LTBP4: variants seen among roughly 807,000 people sequenced by gnomAD.
LTBP4 encodes the protein latent transforming growth factor beta binding protein 4, also known as latent-transforming growth factor beta-binding protein 4.
In LTBP4, 93 loss-of-function variants were observed where a neutral mutation model predicts 180.2. That is an observed-to-expected ratio of 0.52 (90% confidence interval 0.44 to 0.61). The LOEUF (loss-of-function observed/expected upper bound fraction) is 0.61. Ranked by LOEUF, LTBP4 falls within the 20% of genes least tolerant of loss-of-function variation. The pLI is 0.00. For missense variants in LTBP4, 2,116 were observed against 2,256.5 expected (o/e 0.94, Z 1.26); for synonymous variants, 947 against 934.5 (o/e 1.01, Z -0.24).
upstream of LTBP4, chr19:40,599,364 T>C (rs2081407961): frequency 1.2e-6 from 2 of 1,610,532 alleles, no homozygotes; most frequent in Admixed American, 1.7e-5. Context: ...TGGATGCATT[T>C]GGTAGAGAAG....
rs372458729 is a variant in LTBP4, at chr19:40,617,259, G to A, written c.3070+34G>A. The A allele has an allele frequency of 8.8e-5, 140 of 1,598,450 alleles. 2 individuals carry two copies. The African/African-American group carries it at 1.5e-3, about 17-fold the overall frequency. On this transcript the variant is annotated intron_variant, in intron 21 of 29. Transcript: ENST00000396819. ...CTTCAGGAGGTGGATGGGACCAAAG[G>A]GGGTGGGGGAGGTTGGTCAGGCCCT...
chr19:40,613,048 A>T lies in LTBP4; in HGVS notation c.2300-17A>T, dbSNP rs1568407643. 1 of 1,609,088 alleles carries T rather than the reference A, an allele frequency of 6.2e-7. No homozygotes were observed. Among genetic ancestry groups the T allele is most frequent in the Non-Finnish European group, 8.5e-7 (1 of 1,177,748 alleles). On this transcript the variant is annotated splice_polypyrimidine_tract_variant and intron_variant, in intron 15 of 29. Coordinates refer to ENST00000396819, the MANE Select transcript of LTBP4 (RefSeq NM_001042545.2). The surrounding 1 kb of genome is among the most constrained non-coding windows in gnomAD (Gnocchi z 5.0). ...TCCCGAGACTGGACCCTTTCTGAAC[A>T]CCCCCACCCCCCACAGATGTGGACG...
chr19:40,605,922 C>A lies in LTBP4; in HGVS notation c.793+91C>A. ...TACTCTGCCCTAGATAAACCCAGTT[C>A]ACAAATTGTAGCCACGCCTACCCCA... On this transcript the variant is annotated intron_variant, in intron 4 of 29. Transcript: ENST00000396819. This position sits in a 1 kb window ranked among gnomAD's most constrained non-coding sequence, Gnocchi z 5.5. 1 of 1,380,296 alleles carries A rather than the reference C, an allele frequency of 7.2e-7. No individual in the cohort carries two copies. Among genetic ancestry groups the A allele is most frequent in the Non-Finnish European group, 9.8e-7 (1 of 1,024,870 alleles). 85.5% of individuals were successfully genotyped at this position (1,380,296 alleles called of 1,614,324 possible).
rs199990200 is a variant in LTBP4, at chr19:40,606,253, G to T, written c.814G>T (p.Ala272Ser). 1.6e-4 allele frequency: 261 copies of T among 1,594,048 alleles called. 2 individuals carry two copies. The African/African-American group carries it at 2.7e-3, about 17-fold the overall frequency. Residue 272 changes from alanine to serine, a missense_variant, in exon 5 of 30, where the codon GCC (alanine) becomes TCC (serine). Around this residue, in one of 5 missense-constraint regions of LTBP4, gnomAD observed 469 missense variants for 532.5 expected, o/e 0.88. Transcript: ENST00000396819. ...CACAGGGAACTCCGAAAGAGTGAGC[G>T]CCCCAGATGGACCTTGTCCAACCGG... Reference protein sequence around the residue: ...ERLGNSERVSAPDGPCPTGFE... With the variant: ...ERLGNSERVSSPDGPCPTGFE...
At chr19:40,603,245 C>G (rs1414226479) in intron 1 of LTBP4, among the ~76,000 whole-genome samples, 1 of 152,182 alleles carries the variant, frequency 6.6e-6, no homozygotes, top group Admixed American at 6.5e-5. Context: ...TCAGAGAACC[C>G]CAGGGTTGGT....
In LTBP4 at chr19:40,627,723, A is replaced by C. The variant is rs762047259; in HGVS notation, c.4385A>C (p.Tyr1462Ser). The part of the protein sequence containing the change: ...GSYAGSLAEP[Y>S]EELEAEECGI... The stretch of plus-strand genomic sequence containing the variant: ...CCCACAGGTTCCCTGGCTGAGCCCT[A>C]CGAGGAGCTGGAGGCGGAGGAGTGC... Residue 1462 changes from tyrosine (Y) to serine (S), a missense_variant, in exon 29 of 30, where the codon TAC becomes TCC. Around this residue, in one of 5 missense-constraint regions of LTBP4, gnomAD observed 488 missense variants for 458.8 expected, o/e 1.06. Transcript: ENST00000396819. 6.3e-7 allele frequency: 1 copy of C among 1,597,102 alleles called. No homozygotes were observed. The highest frequency in any genetic ancestry group is 8.5e-7 in the Non-Finnish European group (1 of 1,173,152).
intron 19 of LTBP4, chr19:40,615,401 G>A (rs964206184): frequency 6.6e-6 from 1 of 152,164 alleles, no homozygotes; most frequent in Non-Finnish European, 1.5e-5. Flanking sequence ...CAGGAAATAA[G>A]TCATATAAAA....
rs2081424867 is a variant in LTBP4, at chr19:40,601,626, G to A, written c.239G>A (p.Gly80Asp). The A allele has an allele frequency of 1.5e-6, 2 of 1,371,224 alleles. No homozygotes were observed. Among genetic ancestry groups the A allele is most frequent in the South Asian group, 3.4e-5 (2 of 59,046 alleles). The allele number at this position is 1,371,224 out of a possible 1,614,324, so 84.9% of individuals were successfully genotyped here. The stretch of plus-strand genomic sequence containing the variant: ...GGCGGGGCGGCCCCGGGGGGACCCG[G>A]CTTCCGCGCCTGTGAGTGCGGGGTG... ...APGGAAPGGP[G>D]FRAFLCPLIC... Residue 80 changes from glycine (G) to aspartate (D), a missense_variant, in exon 1 of 30, where the codon GGC becomes GAC. Transcript: ENST00000396819.
At position 40,606,306 on chromosome 19, in the gene LTBP4, A is replaced by G; in HGVS notation, c.867A>G (p.Glu289=). 1.3e-6 allele frequency: 2 copies of G among 1,565,184 alleles called. No homozygotes were observed. Among genetic ancestry groups the G allele is most frequent in the Non-Finnish European group, 1.8e-6 (2 of 1,141,042 alleles). ...TTGAAAGAGTTAATGGGTCCTGCGA[A>G]GGTGCAACGGGGCAGGGGTGGGAGG... ...TGFERVNGSC[E]DVDECATGGR... is the part of the protein sequence containing the mutation. The change falls in exon 5 of 30, where the codon GAA becomes GAG. Residue 289 remains glutamate, a splice_region_variant and synonymous_variant. Transcript: ENST00000396819.
rs954287372 is a variant in LTBP4, at chr19:40,627,284, C to T, written c.4295C>T (p.Pro1432Leu). 8.5e-6 allele frequency: 13 copies of T among 1,524,112 alleles called. No homozygotes were observed. Among genetic ancestry groups the T allele is most frequent in the Non-Finnish European group, 1.1e-5 (13 of 1,138,082 alleles). The allele number at this position is 1,524,112 out of a possible 1,614,324, so 94.4% of individuals were successfully genotyped here. Residue 1432 changes from proline to leucine, a missense_variant, in exon 28 of 30, where the codon CCC becomes CTC. This residue lies in a region of LTBP4 where 488 missense variants were observed against 458.8 expected (regional missense o/e 1.06). Coordinates refer to ENST00000396819, the MANE Select transcript of LTBP4 (RefSeq NM_001042545.2). ...CCACCTGGCCCGGGCACCCGCTGGC[C>T]CTATCGGTCCCGGGACACCCGCCGC... The part of the protein sequence containing the change: ...PAPPGPGTRW[P>L]YRSRDTRRSF...
intron 11 of LTBP4, 111 bp from the exon 12 acceptor site, chr19:40,610,421 G>GTCCT: frequency 7.5e-7 from 1 of 1,329,740 alleles, no homozygotes; most frequent in Non-Finnish European, 1.0e-6. Flanking sequence ...TCCCCATCCT[G>GTCCT]GCTCTGGCCC....
upstream of LTBP4, chr19:40,601,286 A>T: frequency 1.1e-6 from 1 of 903,064 alleles, no homozygotes; most frequent in Non-Finnish European, 1.3e-6. Context: ...GGGGGGCCTG[A>T]GCGGGGGCGC....
intron 19 of LTBP4, 48 bp from the exon 20 acceptor site, chr19:40,616,841 C>G (rs1292843114): frequency 1.2e-6 from 2 of 1,607,638 alleles, no homozygotes. Flanking sequence ...GTTAGAACTT[C>G]TGAATTCAGG....
chr19:40,609,683 G>A lies in LTBP4; in HGVS notation c.1558+22G>A, dbSNP rs1184479323. On this transcript the variant is annotated intron_variant, in intron 10 of 29. Transcript: ENST00000396819. This position sits in a 1 kb window ranked among gnomAD's most constrained non-coding sequence, Gnocchi z 4.9. ...ATTGGTGAGCAAGACGGAGGGCGCG[G>A]AAGGAGGCGGGGCGGGGGGCTTTGC... 1 of 1,612,140 alleles carries A rather than the reference G, an allele frequency of 6.2e-7. No individual in the cohort carries two copies. Among genetic ancestry groups the A allele is most frequent in the Admixed American group, 1.7e-5 (1 of 59,952 alleles).
chr19:40,617,079 C>T, intron 20 of LTBP4, 21 bp from the exon 21 acceptor site: 1 of 1,613,660 alleles, frequency 6.2e-7, no homozygotes, highest in East Asian at 2.2e-5. Context: ...CAGAAATGGC[C>T]TGACTGTCTG....
Position 40,627,265 on chromosome 19 carries a change from G to A in LTBP4, c.4276G>A (p.Gly1426Ser), listed in dbSNP as rs1406210072. The change falls in exon 28 of 30, where the codon GGC (glycine) becomes AGC (serine). Residue 1426 changes from glycine to serine, a missense_variant. Physicochemically the swap from Gly to Ser is moderately conservative, Grantham distance 56 (BLOSUM62 0). Transcript: ENST00000396819. The stretch of plus-strand genomic sequence containing the variant: ...CGAATCTGAGGCTCCTGCGCCACCT[G>A]GCCCGGGCACCCGCTGGCCCTATCG... ...YGESEAPAPP[G>S]PGTRWPYRSR... 1.3e-6 allele frequency: 2 copies of A among 1,568,510 alleles called. No homozygotes were observed. Among genetic ancestry groups the A allele is most frequent in the Admixed American group, 1.8e-5 (1 of 54,484 alleles).
intron 19 of LTBP4, among the ~76,000 whole-genome samples, chr19:40,615,958 A>G (rs1362279852): frequency 6.6e-6 from 1 of 152,230 alleles, no homozygotes; most frequent in Non-Finnish European, 1.5e-5. Flanking sequence ...AATGGGACAG[A>G]GATGACAGAG....
chr19:40,595,071 A>G (rs959776758), intron 1 of LTBP4, among the ~76,000 whole-genome samples: 1 of 152,044 alleles, frequency 6.6e-6, no homozygotes, highest in East Asian at 1.9e-4. Context: ...AGAACTGGGA[A>G]GCTTAAGAAT....
chr19:40,624,627 G>C (rs1021705486), intron 26 of LTBP4, among the ~76,000 whole-genome samples: 1 of 152,184 alleles, frequency 6.6e-6, no homozygotes, highest in African/African-American at 2.4e-5. Context: ...TCGAACTCCC[G>C]ACCTCAGGTG....
Sources: allele counts gnomAD v4.1 joint callset (sites outside exome capture counted in the v4.1 genomes callset), GRCh38; gene constraint gnomAD v4.1.1; regional missense constraint gnomAD v4.1.1; non-coding constraint Gnocchi (gnomAD v3.1); transcripts MANE v1.5; gene names NCBI Gene and HGNC (gene_info 2026-07-23, HGNC 2026-07-21).